Variants in FBXO38 observed in about 807,000 individuals in gnomAD.
FBXO38 encodes F-box only protein 38.
FBXO38 carries 53 observed loss-of-function variants against 131.9 expected under a neutral mutation model. The observed-to-expected ratio is 0.40, with a 90% confidence interval of 0.32 to 0.51. The LOEUF is 0.51. Among genes scored for constraint, FBXO38 ranks in the 20% least tolerant of loss-of-function variants. The pLI, the probability that FBXO38 is intolerant of heterozygous loss-of-function variation, is 0.53. For synonymous variants in FBXO38, 452 were observed against 505.6 expected, an observed-to-expected ratio of 0.89 and a Z score of 1.42; for missense variants, 1,076 against 1,475.6, an observed-to-expected ratio of 0.73 and a Z score of 4.44.
chr5:148,392,364 A>AT (rs1758239220), intron 1 of FBXO38, among the ~76,000 whole-genome samples: 2 of 152,234 alleles, frequency 1.3e-5, no homozygotes, highest in African/African-American at 4.8e-5. Flanking sequence ...AGTAAAACAC[A>AT]TTAGGGAAAT....
intron 12 of FBXO38, among the ~76,000 whole-genome samples, chr5:148,421,031 A>G (rs1191892873): frequency 1.3e-5 from 2 of 150,820 alleles, no homozygotes; most frequent in Non-Finnish European, 3.0e-5. Context: ...CAGTGGCATG[A>G]TCTTGGCTCA....
At chr5:148,393,339 G>A (rs1758312459) in intron 1 of FBXO38, among the ~76,000 whole-genome samples, 1 of 151,922 alleles carries the variant, frequency 6.6e-6, no homozygotes, top group Non-Finnish European at 1.5e-5. Context: ...AAGAAATGAT[G>A]AAGATTTACT....
At position 148,399,123 on chromosome 5, in the gene FBXO38, A is replaced by G. The variant is rs1311479907; in HGVS notation, c.253A>G (p.Met85Val). 6.2e-7 allele frequency: 1 copy of G among 1,613,110 alleles called. No homozygotes were observed. ...DLCAGRWWEY[M>V]PSGFTDASFL... The stretch of plus-strand genomic sequence containing the variant: ...CTGTGCAGGGCGGTGGTGGGAATAC[A>G]TGCCAAGTGGTAAGTGGATTTAGTC... Residue 85 changes from methionine to valine, a missense_variant, in exon 3 of 22, where the codon ATG (methionine) becomes GTG (valine). Coordinates refer to ENST00000340253, the MANE Select transcript of FBXO38 (RefSeq NM_205836.3).
chr5:148,427,146 G>A (rs896366653), intron 14 of FBXO38, 67 bp from the exon 15 acceptor site: 16 of 1,513,510 alleles, frequency 1.1e-5, no homozygotes, highest in African/African-American at 8.4e-5. Context: ...TTACTCTTGC[G>A]TTTTGTCCAG....
chr5:148,431,188 T>C (rs1025547088), intron 15 of FBXO38, among the ~76,000 whole-genome samples: 6 of 152,212 alleles, frequency 3.9e-5, no homozygotes, highest in African/African-American at 1.4e-4. Context: ...ATAATAAGTA[T>C]AGAAACCATC....
intron 1 of FBXO38, among the ~76,000 whole-genome samples, chr5:148,393,773 C>T (rs1339710517): frequency 1.3e-5 from 2 of 152,160 alleles, no homozygotes; most frequent in African/African-American, 2.4e-5. Flanking sequence ...TCCTGTGCCT[C>T]CTCCATCTAC....
intron 1 of FBXO38, among the ~76,000 whole-genome samples, chr5:148,387,224 C>G (rs1344202204): frequency 6.6e-6 from 1 of 152,238 alleles, no homozygotes. Flanking sequence ...ATTCTAAATC[C>G]TTTGTTGTCA....
intron 13 of FBXO38, among the ~76,000 whole-genome samples, chr5:148,424,371 T>C (rs1378001584): frequency 6.6e-6 from 1 of 152,208 alleles, no homozygotes; most frequent in East Asian, 1.9e-4. Flanking sequence ...AGTTTGTCCA[T>C]GTATGTGTAG....
Position 148,425,675 on chromosome 5 carries a change from A to G in FBXO38, c.1892A>G (p.Glu631Gly). Residue 631 changes from glutamate (E) to glycine (G), a missense_variant, in exon 14 of 22, where the codon GAG becomes GGG. Glu to Gly is a moderately conservative substitution (Grantham distance 98). Around this residue, in one of 8 missense-constraint regions of FBXO38, gnomAD observed 212 missense variants for 221.2 expected, o/e 0.96. Coordinates refer to ENST00000340253, the MANE Select transcript of FBXO38 (RefSeq NM_205836.3). ...RYSEREEKTG[E>G]SVQSRELSVS... ...TCTGAACGTGAAGAAAAAACTGGAGAGTCAGTGCAGTCCAGAGAATTGTCA... is the reference window on the plus strand; with the variant it reads ...TCTGAACGTGAAGAAAAAACTGGAGGGTCAGTGCAGTCCAGAGAATTGTCA... 1 of 1,614,016 alleles carries G rather than the reference A, an allele frequency of 6.2e-7. No homozygotes were observed. The highest frequency in any genetic ancestry group is 8.5e-7 in the Non-Finnish European group (1 of 1,179,908).
chr5:148,431,649 A>T (rs535687522), intron 15 of FBXO38, among the ~76,000 whole-genome samples: 1 of 152,314 alleles, frequency 6.6e-6, no homozygotes, highest in East Asian at 1.9e-4. Flanking sequence ...GGACTTACTA[A>T]TGAGGTTTTA....
intron 6 of FBXO38, 147 bp from the exon 7 acceptor site, chr5:148,406,110 A>G (rs1752431004): frequency 1.4e-6 from 1 of 697,660 alleles, no homozygotes; most frequent in African/African-American, 1.8e-5. Flanking sequence ...TAACACTTTC[A>G]TTTGTAACAA....
intron 13 of FBXO38, among the ~76,000 whole-genome samples, chr5:148,424,441 A>G (rs1753608435): frequency 6.6e-6 from 1 of 152,196 alleles, no homozygotes; most frequent in Non-Finnish European, 1.5e-5. Flanking sequence ...ATATTCTGCT[A>G]TTGCCCTCCC....
At chr5:148,402,191 T>C (rs1752195393) in intron 4 of FBXO38, 46 bp downstream of exon 4, 1 of 1,580,110 alleles carries the variant, frequency 6.3e-7, no homozygotes, top group Admixed American at 1.8e-5. Flanking sequence ...GTTTATGAAA[T>C]AATAGACCAA....
Position 148,424,065 on chromosome 5 carries a change from T to G in FBXO38, c.1686T>G (p.Thr562=). The G allele has an allele frequency of 4.3e-6, 7 of 1,613,678 alleles. No individual in the cohort carries two copies. The highest frequency in any genetic ancestry group is 5.9e-6 in the Non-Finnish European group (7 of 1,179,696). Residue 562 remains threonine (T), a synonymous_variant, in exon 13 of 22, where the codon ACT becomes ACG. Transcript: ENST00000340253. ...GEVVAESGNN[T]PAHSQAIIPV... is the part of the protein sequence containing the mutation. ...TGGTGGCCGAGAGTGGAAATAATACTCCAGCTCACAGCCAGGCAATTATTC... is the reference window on the plus strand; with the variant it reads ...TGGTGGCCGAGAGTGGAAATAATACGCCAGCTCACAGCCAGGCAATTATTC...
At chr5:148,440,225 A>G (rs1429190004) in intron 19 of FBXO38, 199 bp from the exon 20 acceptor site, 16 of 525,958 alleles carry the variant, frequency 3.0e-5, no homozygotes, top group African/African-American at 3.9e-5. Context: ...GATTTTGAAG[A>G]TAGTGAAGAA....
intron 7 of FBXO38, among the ~76,000 whole-genome samples, chr5:148,406,838 A>T (rs1752472758): frequency 6.6e-6 from 1 of 152,176 alleles, no homozygotes; most frequent in Non-Finnish European, 1.5e-5. Flanking sequence ...TATTACTTGG[A>T]TATTGATTTA....
intron 12 of FBXO38, among the ~76,000 whole-genome samples, chr5:148,423,586 A>T (rs760132811): frequency 6.6e-6 from 1 of 152,218 alleles, no homozygotes; most frequent in Non-Finnish European, 1.5e-5. Context: ...CTGGGCAATT[A>T]TTCAGGGGGA....
At chr5:148,397,874 G>A (rs2113517335) in intron 2 of FBXO38, among the ~76,000 whole-genome samples, 1 of 152,276 alleles carries the variant, frequency 6.6e-6, no homozygotes, top group South Asian at 2.1e-4. Flanking sequence ...AGTGCCAGCA[G>A]ATAACAGAAA....
intron 11 of FBXO38, chr5:148,416,578 T>G (rs897027903): frequency 5.6e-6 from 1 of 179,646 alleles, no homozygotes; most frequent in African/African-American, 2.4e-5. Context: ...TATAGAACTT[T>G]GTACTCTTAA....
Sources: gnomAD v4.1 joint callset for allele counts (sites outside exome capture counted in the v4.1 genomes callset) on GRCh38, gnomAD v4.1.1 for gene constraint, gnomAD v4.1.1 regional missense constraint, MANE v1.5 for transcripts, NCBI Gene and HGNC (gene_info 2026-07-23, HGNC 2026-07-21) for gene names.